The following RPS6KC1 variants were observed in gnomAD, a reference collection of about 807,000 sequenced individuals.
RPS6KC1 encodes inactive ribosomal protein S6 kinase delta-1.
A neutral mutation model predicts 103.8 loss-of-function variants in RPS6KC1; 54 were observed. The ratio of observed to expected loss-of-function variants is 0.52; its 90% confidence interval spans 0.42 to 0.65. RPS6KC1 has a LOEUF of 0.65. Among genes scored for constraint, RPS6KC1 ranks in the 30% least tolerant of loss-of-function variants. The pLI, the probability that RPS6KC1 is intolerant of heterozygous loss-of-function variation, is 0.00. For missense variants in RPS6KC1, 1,151 were observed against 1,253.8 expected (o/e 0.92, Z 1.24); for synonymous variants, 439 against 438.7 (o/e 1.00, Z -0.01).
At chr1:213,589,938 GGTGTGTGTGTGTGTGTGTGTGTGTGT>G in the RPS6KC1 span, among the ~76,000 whole-genome samples, 3 of 132,732 alleles carry the variant, frequency 2.3e-5, no homozygotes, top group Non-Finnish European at 4.7e-5. Flanking sequence ...AAAAGGTAGT[GGTGTGTGTGTGTGTGTGTGTGTGTGT>G]GTGTGTGTGT....
chr1:213,808,187 C>CT, the RPS6KC1 span, among the ~76,000 whole-genome samples: 1 of 131,866 alleles, frequency 7.6e-6, no homozygotes. Context: ...TCTGCCCCTA[C>CT]TGGGGGGGTG....
the RPS6KC1 span, among the ~76,000 whole-genome samples, chr1:213,671,320 A>G: frequency 1.3e-5 from 2 of 152,142 alleles, no homozygotes; most frequent in African/African-American, 4.8e-5. Flanking sequence ...AAATTTAAAA[A>G]GTCAAACTCT....
chr1:213,258,326 A>C (rs932136430), intron 12 of RPS6KC1, among the ~76,000 whole-genome samples: 7 of 152,150 alleles, frequency 4.6e-5, no homozygotes, highest in African/African-American at 1.7e-4. Flanking sequence ...CTGGTCTCAA[A>C]CTCCTGACTT....
intron 8 of RPS6KC1, among the ~76,000 whole-genome samples, chr1:213,194,769 G>A (rs1456283220): frequency 6.6e-6 from 1 of 152,196 alleles, no homozygotes; most frequent in African/African-American, 2.4e-5. Flanking sequence ...AGGTAGAACA[G>A]TATCATCTCA....
the RPS6KC1 span, among the ~76,000 whole-genome samples, chr1:213,467,833 G>A: frequency 6.6e-6 from 1 of 152,112 alleles, no homozygotes; most frequent in Non-Finnish European, 1.5e-5. Context: ...AGGCTTGTTG[G>A]TGCCTTCTTT....
At chr1:213,504,125 A>G in the RPS6KC1 span, among the ~76,000 whole-genome samples, 7 of 152,214 alleles carry the variant, frequency 4.6e-5, no homozygotes, top group Non-Finnish European at 8.8e-5. Flanking sequence ...CCAGGTATAT[A>G]CAATTATGAT....
At chr1:213,216,378 T>G (rs959332135) in intron 8 of RPS6KC1, among the ~76,000 whole-genome samples, 1 of 152,042 alleles carries the variant, frequency 6.6e-6, no homozygotes, top group Non-Finnish European at 1.5e-5. Context: ...AAGCAAGTCC[T>G]TCGAGACCTA....
At chr1:213,809,846 G>T in the RPS6KC1 span, among the ~76,000 whole-genome samples, 2 of 152,134 alleles carry the variant, frequency 1.3e-5, no homozygotes, top group African/African-American at 4.8e-5. Flanking sequence ...GCATTCTCTG[G>T]AAGTTATTTT....
At chr1:213,505,646 G>C in the RPS6KC1 span, among the ~76,000 whole-genome samples, 468 of 152,306 alleles carry the variant, frequency 3.1e-3, 3 homozygotes, top group African/African-American at 0.011. Flanking sequence ...CCATGGGCCA[G>C]ATGCTGTTAG....
the RPS6KC1 span, among the ~76,000 whole-genome samples, chr1:213,797,002 T>C: frequency 6.6e-6 from 1 of 152,118 alleles, no homozygotes; most frequent in Non-Finnish European, 1.5e-5. Context: ...AGAAAGTAAC[T>C]GAAGAATATA....
chr1:213,801,884 G>T, the RPS6KC1 span, among the ~76,000 whole-genome samples: 1 of 152,186 alleles, frequency 6.6e-6, no homozygotes, highest in Non-Finnish European at 1.5e-5. Flanking sequence ...GGAGAGAAGA[G>T]GTAGGTGGCT....
the RPS6KC1 span, among the ~76,000 whole-genome samples, chr1:213,653,546 A>G: frequency 6.6e-6 from 1 of 151,832 alleles, no homozygotes; most frequent in Non-Finnish European, 1.5e-5. Flanking sequence ...TTATAAAGTC[A>G]TTTGTTGACA....
chr1:213,615,503 C>A, the RPS6KC1 span, among the ~76,000 whole-genome samples: 1 of 152,260 alleles, frequency 6.6e-6, no homozygotes, highest in Non-Finnish European at 1.5e-5. Context: ...CCCGACATGC[C>A]TTCAGCACTG....
the RPS6KC1 span, among the ~76,000 whole-genome samples, chr1:213,606,468 G>A: frequency 1.2e-4 from 19 of 152,324 alleles, no homozygotes; most frequent in East Asian, 1.2e-3. Context: ...TCAGGGCAGC[G>A]AGAAAGCCAT....
chr1:213,760,971 T>A, the RPS6KC1 span, among the ~76,000 whole-genome samples: 1 of 150,112 alleles, frequency 6.7e-6, no homozygotes, highest in Non-Finnish European at 1.5e-5. Flanking sequence ...TTTTTAAGGC[T>A]CCAACAAAAT....
the RPS6KC1 span, among the ~76,000 whole-genome samples, chr1:213,300,341 G>A: frequency 0.027 from 4,176 of 152,288 alleles, 185 homozygotes; most frequent in African/African-American, 0.095. Context: ...GTGTGACTCT[G>A]TTGGTTGAAG....
chr1:213,272,207 G>C (rs2095062002), intron 14 of RPS6KC1, among the ~76,000 whole-genome samples: 1 of 152,128 alleles, frequency 6.6e-6, no homozygotes, highest in Admixed American at 6.5e-5. Flanking sequence ...TTAATGTCAT[G>C]GTGTACTTTT....
At chr1:213,080,974 A>G (rs906478659) in intron 3 of RPS6KC1, among the ~76,000 whole-genome samples, 3 of 152,274 alleles carry the variant, frequency 2.0e-5, no homozygotes, top group African/African-American at 4.8e-5. Context: ...CTGTGCCAAC[A>G]TAAGAAAAAT....
chr1:213,292,110 G>A, the RPS6KC1 span, among the ~76,000 whole-genome samples: 2 of 151,906 alleles, frequency 1.3e-5, no homozygotes, highest in Admixed American at 6.6e-5. Context: ...AGGGGTGGGG[G>A]TAGGGGGTAG....
Sources: allele counts gnomAD v4.1 joint callset (sites outside exome capture counted in the v4.1 genomes callset), GRCh38; gene constraint gnomAD v4.1.1; transcripts MANE v1.5; gene names NCBI Gene and HGNC (gene_info 2026-07-23, HGNC 2026-07-21).